Variants in MIER2 observed in about 807,000 individuals in gnomAD.
MIER2 encodes mesoderm induction early response protein 2.
A neutral mutation model predicts 67.6 loss-of-function variants in MIER2; 30 were observed. The observed-to-expected ratio is 0.44, with a 90% CI of 0.33 to 0.60. The LOEUF (loss-of-function observed/expected upper bound fraction) is 0.60. Ranked by LOEUF, MIER2 falls within the 20% of genes least tolerant of loss-of-function variation. The probability of loss-of-function intolerance (pLI) is 0.02; values close to 1 mark genes in which losing one functional copy is unlikely to be tolerated. For missense variants in MIER2, 702 were observed against 745.1 expected (o/e 0.94, Z 0.67); for synonymous variants, 372 against 312.6 (o/e 1.19, Z -2.00).
chr19:307,863 G>C (rs1433993941), intron 12 of MIER2, among the ~76,000 whole-genome samples: 1 of 152,130 alleles, frequency 6.6e-6, no homozygotes, highest in Non-Finnish European at 1.5e-5. Flanking sequence ...CACAGACTTA[G>C]GTGTAAACAA....
chr19:344,560 A>C (rs1247837939), intron 1 of MIER2: 9 of 235,458 alleles, frequency 3.8e-5, no homozygotes, highest in East Asian at 2.7e-4. Context: ...GCGATGTGGC[A>C]GCCGGGGGAG....
intron 3 of MIER2, among the ~76,000 whole-genome samples, chr19:330,546 CA>C (rs1040929814): frequency 5.5e-5 from 4 of 72,254 alleles, no homozygotes; most frequent in Non-Finnish European, 8.2e-5. Context: ...GACCCTGTCT[CA>C]AAAAAAAGAA....
chr19:315,191 C>A (rs1183717919), intron 7 of MIER2, among the ~76,000 whole-genome samples: 3 of 152,152 alleles, frequency 2.0e-5, no homozygotes, highest in African/African-American at 7.2e-5. Context: ...ATGGCGAAAC[C>A]CCAGCTCTAC....
At chr19:323,904 C>A (rs574543638) in intron 7 of MIER2, among the ~76,000 whole-genome samples, 2 of 151,626 alleles carry the variant, frequency 1.3e-5, no homozygotes, top group Non-Finnish European at 2.9e-5. Context: ...ACCACACAGA[C>A]GACTCGAAGG....
chr19:336,200 C>G, intron 1 of MIER2, 27 bp from the exon 2 acceptor site: 1 of 1,593,930 alleles, frequency 6.3e-7, no homozygotes, highest in South Asian at 1.1e-5. Context: ...GCAGGGTTAG[C>G]TCGGCCGGCC....
rs904832198 is a variant in MIER2 at position 327,382 on chromosome 19, C to A, written c.370-126G>T. 10 of 1,225,374 alleles carry A rather than the reference C, an allele frequency of 8.2e-6. No individual in the cohort carries two copies. In the South Asian group the frequency reaches 1.3e-4, roughly 15 times the overall value. 75.9% of individuals were successfully genotyped at this position (1,225,374 alleles called of 1,614,324 possible). A position where few individuals can be genotyped will look rare whatever the true frequency, so the allele number is the denominator to read the frequency against. The stretch of plus-strand genomic sequence containing the variant: ...CTCACATGGGGCTGCTATTCCCATT[C>A]TGCAAAGGGTGCACAGCGTGGGGGG... On this transcript the variant is annotated intron_variant, in intron 4 of 13. Coordinates refer to ENST00000264819, the MANE Select transcript of MIER2 (RefSeq NM_017550.3).
chr19:343,974 T>G, intron 1 of MIER2: 1 of 983,848 alleles, frequency 1.0e-6, no homozygotes, highest in Non-Finnish European at 1.2e-6. Flanking sequence ...CAGTCCTAGG[T>G]GGGTTTGATC....
chr19:336,794 A>G (rs1393439131), intron 1 of MIER2, among the ~76,000 whole-genome samples: 1 of 152,158 alleles, frequency 6.6e-6, no homozygotes, highest in Non-Finnish European at 1.5e-5. Context: ...ATTTTTTTTT[A>G]TAAAAAGGCA....
intron 7 of MIER2, among the ~76,000 whole-genome samples, chr19:324,733 C>T (rs1392879611): frequency 1.3e-5 from 2 of 152,244 alleles, no homozygotes; most frequent in Non-Finnish European, 2.9e-5. Flanking sequence ...GCTGGCATCC[C>T]ATGGGACGAA....
In MIER2 at chr19:327,179, G is replaced by A. The variant is rs370965578; in HGVS notation, c.447C>T (p.Ser149=). The stretch of plus-strand genomic sequence containing the variant: ...GGTCGGAGGCCTCGTGGGAGGTCAC[G>A]GACGGGGTGAGGTCGTCAGCAGATG... ...TQSSADDLTP[S]VTSHEASDLF... The change falls in exon 5 of 14, where the codon TCC becomes TCT. Residue 149 remains serine (S), a synonymous_variant. Coordinates refer to ENST00000264819, the MANE Select transcript of MIER2 (RefSeq NM_017550.3). 9 of 1,595,904 alleles carry A rather than the reference G, an allele frequency of 5.6e-6. No individual in the cohort carries two copies. The highest frequency in any genetic ancestry group is 2.7e-5 in the African/African-American group (2 of 73,048).
chr19:317,906 TTAAAAA>T (rs1229048536), intron 7 of MIER2, among the ~76,000 whole-genome samples: 82 of 152,160 alleles, frequency 5.4e-4, no homozygotes, highest in African/African-American at 1.9e-3. Flanking sequence ...TCTCAGACAA[TTAAAAA>T]TAAGATCTAG....
chr19:313,507 C>T lies in MIER2; in HGVS notation c.792G>A (p.Val264=), dbSNP rs763510485. The T allele has an allele frequency of 7.4e-6, 12 of 1,612,156 alleles. No individual in the cohort carries two copies. In the Admixed American group the frequency reaches 1.5e-4, roughly 20 times the overall value. Reference sequence around the variant, plus strand: ...CAGCCCCCACCTGCTCACTGTCTTTCACGGCTTCTCCCTCTGGGAGCTGAG... The same window carrying T: ...CAGCCCCCACCTGCTCACTGTCTTTTACGGCTTCTCCCTCTGGGAGCTGAG... ...AGPQLPEGEA[V]KDSEQALYEL... The change falls in exon 8 of 14, where the codon GTG becomes GTA. Residue 264 remains valine, a synonymous_variant. Coordinates refer to ENST00000264819, the MANE Select transcript of MIER2 (RefSeq NM_017550.3).
chr19:329,234 C>T (rs113275866), intron 3 of MIER2, among the ~76,000 whole-genome samples: 380 of 152,126 alleles, frequency 2.5e-3, no homozygotes, highest in African/African-American at 8.9e-3. Flanking sequence ...CCCAGCCCTT[C>T]TCCAGGTGGA....
Position 307,008 on chromosome 19 carries a change from CTGTCCTCGGGTCCTTGGGGCAAA to C in MIER2, c.1616+88_1616+110del. ...CTGAGAGCCTGCTCGTGGAGCCACA[CTGTCCTCGGGTCCTTGGGGCAAA>C]TGCCTCCCACCCTCCTCTGCTCAGC... On this transcript the variant is annotated intron_variant, in intron 13 of 13. Transcript: ENST00000264819. 7.0e-6 allele frequency: 9 copies of C among 1,291,086 alleles called. No individual in the cohort carries two copies. In the South Asian group the frequency reaches 1.2e-4, roughly 17 times the overall value. 80.0% of individuals were successfully genotyped at this position (1,291,086 alleles called of 1,614,324 possible). A position where few individuals can be genotyped will look rare whatever the true frequency, so the allele number is the denominator to read the frequency against.
chr19:337,072 G>C (rs954853373), intron 1 of MIER2, among the ~76,000 whole-genome samples: 1 of 152,024 alleles, frequency 6.6e-6, no homozygotes, highest in Non-Finnish European at 1.5e-5. Context: ...TCAAACTCTT[G>C]ACCTCAAGTG....
At chr19:319,095 T>C (rs1403675360) in intron 7 of MIER2, among the ~76,000 whole-genome samples, 3 of 148,138 alleles carry the variant, frequency 2.0e-5, no homozygotes, top group Admixed American at 6.8e-5. Flanking sequence ...TGGGTGCTGG[T>C]TCATGCCTGT....
rs1250805972 is a variant in MIER2, at chr19:327,257, CT to C, written c.370-2del. 17 of 1,561,432 alleles carry C rather than the reference CT, an allele frequency of 1.1e-5. No homozygotes were observed. The highest frequency in any genetic ancestry group is 1.1e-4 in the Admixed American group (5 of 46,314). On this transcript the variant is annotated splice_acceptor_variant, in intron 4 of 13. Coordinates refer to ENST00000264819, the MANE Select transcript of MIER2 (RefSeq NM_017550.3). LOFTEE classifies it high-confidence loss of function. ...AAAGCAAATCCTTCGCTATTTGTTC[CT>C]TTAAAAAAAAAAAAAAAAGTAAAGA...
chr19:342,519 G>A (rs558342798), intron 1 of MIER2, among the ~76,000 whole-genome samples: 1 of 151,570 alleles, frequency 6.6e-6, no homozygotes, highest in South Asian at 2.1e-4. Flanking sequence ...TCAGCAAGGA[G>A]GAGCATTTTA....
intron 7 of MIER2, among the ~76,000 whole-genome samples, chr19:320,964 TA>T (rs769528835): frequency 2.6e-5 from 4 of 152,108 alleles, no homozygotes; most frequent in Non-Finnish European, 5.9e-5. Context: ...GCACTACATT[TA>T]GGGGCCACTT....
Sources: gnomAD v4.1 joint callset for allele counts (sites outside exome capture counted in the v4.1 genomes callset) on GRCh38, gnomAD v4.1.1 for gene constraint, MANE v1.5 for transcripts, NCBI Gene and HGNC (gene_info 2026-07-23, HGNC 2026-07-21) for gene names.